The following LRP1B variants were observed in gnomAD, a reference collection of about 807,000 sequenced individuals.
The protein encoded by LRP1B is low-density lipoprotein receptor-related protein 1B.
LRP1B carries 217 observed loss-of-function variants against 556.6 expected under a neutral mutation model. The observed-to-expected ratio is 0.39, with a 90% CI of 0.35 to 0.44. The LOEUF is 0.44. LRP1B is among the 20% of genes least tolerant of loss of function. LRP1B has a pLI of 1.00. For synonymous variants in LRP1B, 2,047 were observed against 1,865.8 expected, an observed-to-expected ratio of 1.10 and a Z score of -2.50; for missense variants, 5,053 against 5,620.8, an observed-to-expected ratio of 0.90 and a Z score of 3.23.
intron 41 of LRP1B, among the ~76,000 whole-genome samples, chr2:140,668,736 G>C (rs1447267744): frequency 2.2e-5 from 3 of 133,616 alleles, no homozygotes; most frequent in Non-Finnish European, 4.6e-5. Context: ...CAAGCCACTA[G>C]ATGTTTTAGA....
At chr2:141,035,593 C>A (rs1698509479) in intron 11 of LRP1B, among the ~76,000 whole-genome samples, 1 of 149,526 alleles carries the variant, frequency 6.7e-6, no homozygotes, top group African/African-American at 2.5e-5. Context: ...AAATAGAAAT[C>A]TTTATAAAAA....
intron 3 of LRP1B, among the ~76,000 whole-genome samples, chr2:141,353,364 A>G (rs1420721038): frequency 6.6e-6 from 1 of 151,990 alleles, no homozygotes; most frequent in Admixed American, 6.6e-5. Context: ...CCAGCCACCC[A>G]GCTTACATAA....
At chr2:140,373,357 G>T (rs889188068) in intron 68 of LRP1B, among the ~76,000 whole-genome samples, 1 of 152,064 alleles carries the variant, frequency 6.6e-6, no homozygotes, top group Admixed American at 6.6e-5. Context: ...TAGAAACCCA[G>T]AAGTGTAAGA....
intron 3 of LRP1B, among the ~76,000 whole-genome samples, chr2:141,338,073 G>A (rs563548875): frequency 2.0e-5 from 3 of 152,256 alleles, no homozygotes; most frequent in African/African-American, 4.8e-5. Context: ...GTTGACTGTG[G>A]TTGTAATGTC....
rs1272948681 is a variant in LRP1B, at chr2:141,254,553, G to T, written c.432C>A (p.Phe144Leu). 6.2e-7 allele frequency: 1 copy of T among 1,611,602 alleles called. No individual in the cohort carries two copies. Among genetic ancestry groups the T allele is most frequent in the South Asian group, 1.1e-5 (1 of 91,012 alleles). The change falls in exon 4 of 91, where the codon TTC becomes TTA. Residue 144 changes from phenylalanine to leucine, a missense_variant. This residue lies in a region of LRP1B where 3,619 missense variants were observed against 3,931.9 expected (regional missense o/e 0.92). Coordinates refer to ENST00000389484, the MANE Select transcript of LRP1B (RefSeq NM_018557.3). Reference protein sequence around the residue: ...NSTRCYCEDGFEITEDGRSCK... With the variant: ...NSTRCYCEDGLEITEDGRSCK... ...AGCTTCTCCCATCTTCTGTTATTTC[G>T]AATCCATCCTCACAGTAACATCTTG...
intron 7 of LRP1B, among the ~76,000 whole-genome samples, chr2:141,160,244 T>C (rs564656823): frequency 1.8e-4 from 27 of 152,094 alleles, no homozygotes; most frequent in Non-Finnish European, 3.8e-4. Flanking sequence ...ATTGCTAAAG[T>C]AAAAATTACT....
intron 32 of LRP1B, among the ~76,000 whole-genome samples, chr2:140,777,410 T>C (rs1346183203): frequency 6.6e-6 from 1 of 152,198 alleles, no homozygotes; most frequent in Admixed American, 6.5e-5. Flanking sequence ...CATTCTAGCA[T>C]TCATGGGAAT....
chr2:141,644,215 TC>T (rs1689462253), intron 2 of LRP1B, among the ~76,000 whole-genome samples: 1 of 152,066 alleles, frequency 6.6e-6, no homozygotes, highest in Non-Finnish European at 1.5e-5. Flanking sequence ...CTCTCACAAT[TC>T]CCATGTGTCA....
intron 2 of LRP1B, among the ~76,000 whole-genome samples, chr2:141,568,350 TAA>T (rs1172707262): frequency 2.0e-5 from 3 of 151,108 alleles, no homozygotes; most frequent in Admixed American, 2.0e-4. Context: ...GAGCCAACTG[TAA>T]AAGAGATGTA....
At chr2:140,713,338 T>TC (rs970991707) in intron 37 of LRP1B, among the ~76,000 whole-genome samples, 10 of 151,160 alleles carry the variant, frequency 6.6e-5, no homozygotes, top group South Asian at 2.1e-4. Flanking sequence ...TTTTTTTTTT[T>TC]CATTTACTGC....
At chr2:140,680,747 A>G (rs77518386) in intron 41 of LRP1B, among the ~76,000 whole-genome samples, 7,342 of 152,292 alleles carry the variant, frequency 0.048, 271 homozygotes, top group South Asian at 0.097. Flanking sequence ...GTCAATGAAC[A>G]TTACGTTTGT....
intron 2 of LRP1B, among the ~76,000 whole-genome samples, chr2:141,792,295 C>G (rs1166736534): frequency 2.0e-5 from 3 of 151,748 alleles, no homozygotes; most frequent in African/African-American, 7.3e-5. Flanking sequence ...GATCTCAGAC[C>G]CATACTTTTG....
At chr2:140,618,016 A>T (rs1170224858) in intron 41 of LRP1B, among the ~76,000 whole-genome samples, 1 of 151,994 alleles carries the variant, frequency 6.6e-6, no homozygotes, top group Non-Finnish European at 1.5e-5. Flanking sequence ...TTTCTTGTTT[A>T]TTTGAATTTT....
chr2:141,397,560 T>A (rs77949364), intron 3 of LRP1B, among the ~76,000 whole-genome samples: 1 of 151,962 alleles, frequency 6.6e-6, no homozygotes, highest in Non-Finnish European at 1.5e-5. Context: ...ACTGACTTAA[T>A]AGGACAATTT....
At chr2:142,106,552 C>T (rs940492944) in intron 1 of LRP1B, among the ~76,000 whole-genome samples, 1 of 152,096 alleles carries the variant, frequency 6.6e-6, no homozygotes, top group African/African-American at 2.4e-5. Context: ...ATCTATACTC[C>T]ATTATAAATT....
At chr2:140,993,100 C>T (rs933105272) in intron 16 of LRP1B, among the ~76,000 whole-genome samples, 3 of 151,838 alleles carry the variant, frequency 2.0e-5, no homozygotes, top group African/African-American at 4.8e-5. Context: ...ATCTTTAAAA[C>T]TTCATTTGTA....
chr2:142,069,008 C>T (rs536352768), intron 1 of LRP1B, among the ~76,000 whole-genome samples: 1 of 151,590 alleles, frequency 6.6e-6, no homozygotes, highest in African/African-American at 2.4e-5. Context: ...CTGTCTCTCT[C>T]TCTATGTCGC....
At position 141,913,894 on chromosome 2, in the gene LRP1B, G is replaced by T. The variant is rs58451642; in HGVS notation, c.83-103493C>A. Among the ~76,000 whole-genome samples the T allele has an allele frequency of 6.2e-3, 949 of 152,036 alleles. 9 individuals carry two copies. Among genetic ancestry groups the T allele is most frequent in the African/African-American group, 0.022 (896 of 41,442 alleles). ...CCTGAGTAGCTGGGACTACAGGCAC[G>T]TACCACCACACCCAGGTAATTTTTT... On this transcript the variant is annotated intron_variant, in intron 1 of 90. Transcript: ENST00000389484.
At chr2:140,886,040 T>C (rs1693628637) in intron 24 of LRP1B, 98 bp downstream of exon 24, 1 of 738,734 alleles carries the variant, frequency 1.4e-6, no homozygotes, top group Non-Finnish European at 2.2e-6. Flanking sequence ...GGACCAAAGG[T>C]CAAAGAATAA....
Sources: allele counts gnomAD v4.1 joint callset (sites outside exome capture counted in the v4.1 genomes callset), GRCh38; gene constraint gnomAD v4.1.1; regional missense constraint gnomAD v4.1.1; transcripts MANE v1.5; gene names NCBI Gene and HGNC (gene_info 2026-07-23, HGNC 2026-07-21).